CNBD1: variants seen among roughly 807,000 people sequenced by gnomAD.
CNBD1 encodes the protein cyclic nucleotide binding domain containing 1, also known as cyclic nucleotide-binding domain-containing protein 1.
In CNBD1, 71 loss-of-function variants were observed where a neutral mutation model predicts 54.4. That is an observed-to-expected ratio of 1.30 (90% confidence interval 1.08 to 1.59). The LOEUF (loss-of-function observed/expected upper bound fraction) is 1.59. CNBD1 is among the 40% of genes most tolerant of loss of function. The pLI is 0.00. For synonymous variants in CNBD1, 182 were observed against 170.7 expected (o/e 1.07, Z -0.51); for missense variants, 659 against 518.0 (o/e 1.27, Z -2.64).
intron 4 of CNBD1, among the ~76,000 whole-genome samples, chr8:87,000,673 T>C (rs1417022005): frequency 2.0e-5 from 3 of 152,204 alleles, no homozygotes; most frequent in Admixed American, 6.5e-5. Flanking sequence ...GTTGTTTGCA[T>C]AATTGAATAG....
intron 8 of CNBD1, among the ~76,000 whole-genome samples, chr8:87,331,126 G>A (rs543484772): frequency 6.6e-6 from 1 of 152,192 alleles, no homozygotes; most frequent in South Asian, 2.1e-4. Flanking sequence ...GTATACATAT[G>A]CCATTGTGGT....
intron 4 of CNBD1, among the ~76,000 whole-genome samples, chr8:87,031,062 A>G (rs930841211): frequency 1.3e-5 from 2 of 149,852 alleles, no homozygotes; most frequent in African/African-American, 4.9e-5. Flanking sequence ...TATGTTTCAC[A>G]GTTGGGTTTT....
At chr8:87,302,186 A>G (rs1235732404) in intron 8 of CNBD1, among the ~76,000 whole-genome samples, 1 of 152,136 alleles carries the variant, frequency 6.6e-6, no homozygotes, top group African/African-American at 2.4e-5. Context: ...ACACAACAAA[A>G]AAAGAGAATT....
chr8:87,333,662 T>C (rs1449677940), intron 8 of CNBD1, among the ~76,000 whole-genome samples: 3 of 152,220 alleles, frequency 2.0e-5, no homozygotes, highest in Non-Finnish European at 4.4e-5. Context: ...GTTATGTTTA[T>C]GTGATGGATT....
In CNBD1 at chr8:87,013,602, T is replaced by G. The variant is rs187636067; in HGVS notation, c.431+73848T>G. Among the ~76,000 whole-genome samples the G allele has an allele frequency of 3.8e-3, 574 of 150,742 alleles. 6 individuals carry two copies. The highest frequency in any genetic ancestry group is 0.013 in the African/African-American group (528 of 41,202). ...AATAACCGCTGTTTGGATCTAACAGTTTTTTTTTCTTTGTTTTGTTTTGTT... is the reference window on the plus strand; with the variant it reads ...AATAACCGCTGTTTGGATCTAACAGGTTTTTTTTCTTTGTTTTGTTTTGTT... On this transcript the variant is annotated intron_variant, in intron 4 of 10. Coordinates refer to ENST00000518476, the MANE Select transcript of CNBD1 (RefSeq NM_173538.3).
chr8:87,231,929 C>G (rs1807448389), intron 5 of CNBD1, among the ~76,000 whole-genome samples: 1 of 152,166 alleles, frequency 6.6e-6, no homozygotes, highest in South Asian at 2.1e-4. Context: ...AGTCTGTTGT[C>G]TGTCCCATAG....
intron 4 of CNBD1, among the ~76,000 whole-genome samples, chr8:87,121,911 A>G (rs1477427682): frequency 2.6e-5 from 4 of 151,538 alleles, no homozygotes; most frequent in Admixed American, 6.6e-5. Flanking sequence ...CACACATATG[A>G]CATATAATTT....
intron 2 of CNBD1, among the ~76,000 whole-genome samples, chr8:87,423,481 A>G (rs554181783): frequency 2.0e-3 from 299 of 151,600 alleles, no homozygotes; most frequent in African/African-American, 6.8e-3. Context: ...AGTTTTTAGC[A>G]TGAAGGGTTG....
chr8:86,926,926 C>G (rs909724527), intron 3 of CNBD1, among the ~76,000 whole-genome samples: 1 of 152,104 alleles, frequency 6.6e-6, no homozygotes. Context: ...TGGCCCTCTA[C>G]TGATAGACTT....
chr8:86,922,538 C>T (rs1020808250), intron 3 of CNBD1, among the ~76,000 whole-genome samples: 3 of 152,024 alleles, frequency 2.0e-5, no homozygotes, highest in African/African-American at 7.2e-5. Context: ...AAAAGGAAAG[C>T]CTGGATGGCT....
chr8:87,364,555 C>A (rs990412907), intron 10 of CNBD1, among the ~76,000 whole-genome samples: 1 of 151,712 alleles, frequency 6.6e-6, no homozygotes, highest in Non-Finnish European at 1.5e-5. Context: ...AAACTCATGA[C>A]TCAGTGGTTT....
At chr8:87,348,914 C>T (rs1325723088) in intron 8 of CNBD1, among the ~76,000 whole-genome samples, 1 of 152,150 alleles carries the variant, frequency 6.6e-6, no homozygotes, top group Non-Finnish European at 1.5e-5. Context: ...GTGAATCCTT[C>T]TGATATTCTT....
intron 3 of CNBD1, among the ~76,000 whole-genome samples, chr8:86,929,334 C>CT (rs1313070176): frequency 2.0e-5 from 3 of 152,160 alleles, no homozygotes; most frequent in African/African-American, 7.2e-5. Flanking sequence ...CACATTTATT[C>CT]TTTTTTCCCT....
chr8:87,200,902 T>C (rs1420031541), intron 4 of CNBD1, among the ~76,000 whole-genome samples: 3 of 152,176 alleles, frequency 2.0e-5, no homozygotes, highest in African/African-American at 7.2e-5. Flanking sequence ...CAACTCGTTC[T>C]ATGAAGCTAG....
intron 8 of CNBD1, among the ~76,000 whole-genome samples, chr8:87,317,683 A>G (rs1010911061): frequency 1.3e-5 from 2 of 151,932 alleles, no homozygotes; most frequent in Non-Finnish European, 2.9e-5. Context: ...TGTGTCGATA[A>G]GTGTTCCATT....
chr8:87,144,398 A>G (rs751243754), intron 4 of CNBD1, among the ~76,000 whole-genome samples: 1 of 152,204 alleles, frequency 6.6e-6, no homozygotes, highest in Non-Finnish European at 1.5e-5. Flanking sequence ...TCCCCCAATG[A>G]CTTCAGATAT....
chr8:87,379,080 T>C (rs565313940), intron 10 of CNBD1, among the ~76,000 whole-genome samples: 1,782 of 151,188 alleles, frequency 0.012, 40 homozygotes, highest in African/African-American at 0.041. Flanking sequence ...TTTCTAGATA[T>C]ACAATCATGT....
At chr8:87,307,016 A>G (rs959430321) in intron 8 of CNBD1, among the ~76,000 whole-genome samples, 1 of 152,196 alleles carries the variant, frequency 6.6e-6, no homozygotes, top group Non-Finnish European at 1.5e-5. Context: ...AAATAAATAA[A>G]ATGATAGGAA....
At chr8:87,414,117 C>A (rs923384116) in intron 2 of CNBD1, among the ~76,000 whole-genome samples, 20 of 152,130 alleles carry the variant, frequency 1.3e-4, no homozygotes, top group African/African-American at 4.3e-4. Flanking sequence ...GACTTGGAAC[C>A]AACCCAAATG....
Sources: gnomAD v4.1 joint callset for allele counts (sites outside exome capture counted in the v4.1 genomes callset) on GRCh38, gnomAD v4.1.1 for gene constraint, MANE v1.5 for transcripts, NCBI Gene and HGNC (gene_info 2026-07-23, HGNC 2026-07-21) for gene names.